PHACTR4: variants seen among roughly 807,000 people sequenced by gnomAD.
PHACTR4 encodes protein phosphatase 1, regulatory subunit 124.
PHACTR4 carries 51 observed loss-of-function variants against 72.7 expected under a neutral mutation model. The observed-to-expected ratio is 0.70, with a 90% CI of 0.56 to 0.89. The LOEUF (loss-of-function observed/expected upper bound fraction) is 0.89. PHACTR4 is among the 40% of genes least tolerant of loss of function. PHACTR4 has a pLI of 0.00. For missense variants in PHACTR4, 731 were observed against 861.8 expected, an observed-to-expected ratio of 0.85 and a Z score of 1.90; for synonymous variants, 255 against 302.5, an observed-to-expected ratio of 0.84 and a Z score of 1.63.
intron 2 of PHACTR4, among the ~76,000 whole-genome samples, chr1:28,409,121 TTTC>T (rs989262559): frequency 6.7e-6 from 1 of 148,204 alleles, no homozygotes; most frequent in African/African-American, 2.6e-5. Context: ...CTTTTCTTTC[TTTC>T]TTTTTTTTTT....
chr1:28,476,025 G>A, intron 7 of PHACTR4, 82 bp from the exon 8 acceptor site: 1 of 1,366,360 alleles, frequency 7.3e-7, no homozygotes, highest in South Asian at 1.5e-5. Flanking sequence ...ACCACGCCCA[G>A]TCTTTATTTC....
chr1:28,394,508 C>G (rs1458858611), intron 1 of PHACTR4, among the ~76,000 whole-genome samples: 1 of 152,046 alleles, frequency 6.6e-6, no homozygotes, highest in African/African-American at 2.4e-5. Context: ...CTGGGCTGGT[C>G]TCAAGCTCCT....
intron 8 of PHACTR4, among the ~76,000 whole-genome samples, chr1:28,478,239 T>G (rs560805862): frequency 6.6e-6 from 1 of 152,356 alleles, no homozygotes; most frequent in East Asian, 1.9e-4. Flanking sequence ...TTTCTTTCTT[T>G]TTCATGGCAG....
At chr1:28,394,251 T>TAA (rs552494493) in intron 1 of PHACTR4, among the ~76,000 whole-genome samples, 14 of 53,390 alleles carry the variant, frequency 2.6e-4, no homozygotes, top group African/African-American at 9.0e-4. Context: ...TTTTAGAAAG[T>TAA]AAAAAAAAAA....
At chr1:28,493,538 C>CAAA (rs34819233) in intron 13 of PHACTR4, among the ~76,000 whole-genome samples, 1 of 104,134 alleles carries the variant, frequency 9.6e-6, no homozygotes, top group Non-Finnish European at 2.2e-5. Context: ...AACTCCATCT[C>CAAA]AAAAAAAAAA....
intron 2 of PHACTR4, among the ~76,000 whole-genome samples, chr1:28,410,336 A>G (rs1654696800): frequency 6.6e-6 from 1 of 152,094 alleles, no homozygotes; most frequent in Admixed American, 6.6e-5. Context: ...GAGTTTTATT[A>G]TAGTAGTCTG....
chr1:28,487,727 G>GTTTTTT (rs780028378), intron 9 of PHACTR4, among the ~76,000 whole-genome samples: 21 of 63,306 alleles, frequency 3.3e-4, no homozygotes, highest in African/African-American at 9.5e-4. Context: ...GTTTTTTGTT[G>GTTTTTT]TTTTTTTTTT....
At chr1:28,461,849 C>CTTTTT (rs142600648) in intron 4 of PHACTR4, among the ~76,000 whole-genome samples, 5 of 144,282 alleles carry the variant, frequency 3.5e-5, no homozygotes, top group African/African-American at 1.3e-4. Flanking sequence ...TGTTTTCTTT[C>CTTTTT]TTTCTTTTTT....
intron 1 of PHACTR4, among the ~76,000 whole-genome samples, chr1:28,379,052 G>A (rs1223699927): frequency 2.0e-5 from 3 of 152,016 alleles, no homozygotes; most frequent in African/African-American, 7.2e-5. Flanking sequence ...CCCCTGCTGG[G>A]CTCAAGCAAT....
chr1:28,491,851 A>C, intron 12 of PHACTR4, 64 bp downstream of exon 12: 1 of 1,551,496 alleles, frequency 6.4e-7, no homozygotes, highest in Non-Finnish European at 8.7e-7. Flanking sequence ...TGGAGGATCC[A>C]AGATACTAAC....
intron 1 of PHACTR4, among the ~76,000 whole-genome samples, chr1:28,383,414 G>A (rs188683862): frequency 2.2e-4 from 34 of 152,112 alleles, no homozygotes; most frequent in African/African-American, 7.2e-4. Context: ...AATAGGAATG[G>A]CATGGAATCT....
At chr1:28,409,061 T>G (rs1654575953) in intron 2 of PHACTR4, among the ~76,000 whole-genome samples, 1 of 152,038 alleles carries the variant, frequency 6.6e-6, no homozygotes, top group Admixed American at 6.6e-5. Context: ...TATACAAAGG[T>G]TTAATGTCTG....
At chr1:28,446,271 T>C (rs1346259468) in intron 2 of PHACTR4, among the ~76,000 whole-genome samples, 3 of 152,224 alleles carry the variant, frequency 2.0e-5, no homozygotes, top group Admixed American at 6.5e-5. Context: ...CCAAAACTTA[T>C]TGATCCCTCT....
At chr1:28,486,491 A>G (rs983743723) in intron 9 of PHACTR4, among the ~76,000 whole-genome samples, 1 of 152,222 alleles carries the variant, frequency 6.6e-6, no homozygotes, top group South Asian at 2.1e-4. Flanking sequence ...ACATATTTAC[A>G]GTATTATTGT....
rs34637242 is a variant in PHACTR4 at position 28,426,220 on chromosome 1, C to CAA, written c.16+18767_16+18768dup. Among the ~76,000 whole-genome samples the CAA allele has an allele frequency of 5.0e-3, 739 of 147,104 alleles. 7 individuals are homozygous for CAA. The highest frequency in any genetic ancestry group is 0.014 in the African/African-American group (577 of 40,490). On this transcript the variant is annotated intron_variant, in intron 2 of 13. Coordinates refer to ENST00000373839, the MANE Select transcript of PHACTR4 (RefSeq NM_001048183.3). ...TGAGCAACAGAGCGAGAAACCTTCT[C>CAA]AAAAAAAAAAATTGTGAATATAAAT...
chr1:28,500,122 A>G lies in PHACTR4; in HGVS notation c.*3573A>G, dbSNP rs1357704698. ...GTGAAACAAGACATTTTGGGGGTCA[A>G]GTCTCTTTGGGTGTTTTGTTTTTAT... On this transcript the variant is annotated 3_prime_UTR_variant, in exon 14 of 14. Coordinates refer to ENST00000373839, the MANE Select transcript of PHACTR4 (RefSeq NM_001048183.3). The G allele has an allele frequency of 6.6e-6, 1 of 152,122 alleles. No homozygotes were observed. Among genetic ancestry groups the G allele is most frequent in the Non-Finnish European group, 1.5e-5 (1 of 68,036 alleles). 9.4% of individuals were successfully genotyped at this position (152,122 alleles called of 1,614,324 possible). A position where few individuals can be genotyped will look rare whatever the true frequency, so the allele number is the denominator to read the frequency against.
At chr1:28,453,820 A>G in intron 2 of PHACTR4, 1 of 875,812 alleles carries the variant, frequency 1.1e-6, no homozygotes, top group Admixed American at 1.8e-5. Flanking sequence ...TGATGCTGAC[A>G]GAGCACAAAA....
intron 2 of PHACTR4, among the ~76,000 whole-genome samples, chr1:28,432,200 C>T (rs1656312976): frequency 6.6e-6 from 1 of 151,626 alleles, no homozygotes; most frequent in South Asian, 2.1e-4. Flanking sequence ...CAGAGCGAGA[C>T]TCTGTATCAA....
intron 2 of PHACTR4, among the ~76,000 whole-genome samples, chr1:28,448,122 T>TG: frequency 6.6e-6 from 1 of 152,172 alleles, no homozygotes; most frequent in Non-Finnish European, 1.5e-5. Flanking sequence ...TCCAGCTAGG[T>TG]GGGCTTAAAA....
Sources: allele counts gnomAD v4.1 joint callset (sites outside exome capture counted in the v4.1 genomes callset), GRCh38; gene constraint gnomAD v4.1.1; transcripts MANE v1.5; gene names NCBI Gene and HGNC (gene_info 2026-07-23, HGNC 2026-07-21).